The following B4GALT2 variants were observed in gnomAD, a reference collection of about 807,000 sequenced individuals.
B4GALT2 encodes beta-1,4-galactosyltransferase 2.
B4GALT2 carries 18 observed loss-of-function variants against 33.2 expected under a neutral mutation model. The observed-to-expected ratio is 0.54, with a 90% CI of 0.38 to 0.80. The LOEUF is 0.80. Among genes scored for constraint, B4GALT2 ranks in the 30% least tolerant of loss-of-function variants. The pLI, the probability that B4GALT2 is intolerant of heterozygous loss-of-function variation, is 0.00. For missense variants in B4GALT2, 404 were observed against 526.2 expected, an observed-to-expected ratio of 0.77 and a Z score of 2.27; for synonymous variants, 214 against 217.6, an observed-to-expected ratio of 0.98 and a Z score of 0.15.
At chr1:43,986,076 G>A (rs1246243669) in intron 6 of B4GALT2, 1 of 179,994 alleles carries the variant, frequency 5.6e-6, no homozygotes, top group African/African-American at 2.4e-5. Flanking sequence ...GGTGTGGAAA[G>A]ACAGTGCCCA....
chr1:43,985,787 G>T, intron 6 of B4GALT2, 166 bp downstream of exon 6: 1 of 664,982 alleles, frequency 1.5e-6, no homozygotes. Context: ...TGTGATCCAA[G>T]GCCCCTCAGG....
rs867144565 is a variant in B4GALT2, at chr1:43,981,125, C to T, written c.-36C>T. ...CCTGCTCAGGCCAGCAGCCGGATGC[C>T]CGGGCCCACTGGGCGGGCCAGTGGC... On this transcript the variant is annotated 5_prime_UTR_variant, in exon 2 of 7. Transcript: ENST00000372324. The surrounding 1 kb of genome is among the most constrained non-coding windows in gnomAD (Gnocchi z 8.1). The T allele has an allele frequency of 5.0e-6, 8 of 1,591,396 alleles. No homozygotes were observed. The highest frequency in any genetic ancestry group is 1.7e-4 in the Middle Eastern group (1 of 5,936).
chr1:43,981,088 T>G lies in B4GALT2; in HGVS notation c.-52-21T>G. On this transcript the variant is annotated intron_variant, in intron 1 of 6. Transcript: ENST00000372324. This position sits in a 1 kb window ranked among gnomAD's most constrained non-coding sequence, Gnocchi z 8.1. ...GTCCTGCCCTGACCTGCTGGATCTG[T>G]TTCCCTCCCACCCTGCTCAGGCCAG... 1 of 1,541,498 alleles carries G rather than the reference T, an allele frequency of 6.5e-7. No homozygotes were observed. The highest frequency in any genetic ancestry group is 8.7e-7 in the Non-Finnish European group (1 of 1,147,838).
chr1:43,986,080 G>C, intron 6 of B4GALT2: 1 of 176,558 alleles, frequency 5.7e-6, no homozygotes, highest in South Asian at 1.3e-4. Flanking sequence ...TGGAAAGACA[G>C]TGCCCACCCC....
rs2085598056 is a variant in B4GALT2, at chr1:43,981,640, CTG to C, written c.314-46_314-45del. ...CCAGGCTGAGGGTGGGGGCTGGTAT[CTG>C]TGGATTCTGGCCAATGCCCTGATTC... On this transcript the variant is annotated intron_variant, in intron 2 of 6. Transcript: ENST00000372324. This position sits in a 1 kb window ranked among gnomAD's most constrained non-coding sequence, Gnocchi z 8.1. 1 of 1,563,528 alleles carries C rather than the reference CTG, an allele frequency of 6.4e-7. No individual in the cohort carries two copies. Among genetic ancestry groups the C allele is most frequent in the African/African-American group, 1.4e-5 (1 of 73,980 alleles).
In B4GALT2 at chr1:43,984,961, G is replaced by A. The variant is rs1386088844; in HGVS notation, c.646G>A (p.Asp216Asn). 1.2e-6 allele frequency: 2 copies of A among 1,614,064 alleles called. No homozygotes were observed. The highest frequency in any genetic ancestry group is 1.1e-5 in the South Asian group (1 of 91,084). Reference sequence around the variant, plus strand: ...CGCCTATGACTGCTTCATCTTCAGCGATGTGGACCTGGTCCCCATGGATGA... The same window carrying A: ...CGCCTATGACTGCTTCATCTTCAGCAATGTGGACCTGGTCCCCATGGATGA... ...DAAYDCFIFS[D>N]VDLVPMDDRN... Residue 216 changes from aspartate to asparagine, a missense_variant, in exon 4 of 7, where the codon GAT (aspartate) becomes AAT (asparagine). Asp to Asn is a conservative substitution (Grantham distance 23). Coordinates refer to ENST00000372324, the MANE Select transcript of B4GALT2 (RefSeq NM_003780.5). The surrounding 1 kb of genome is among the most constrained non-coding windows in gnomAD (Gnocchi z 5.6).
chr1:43,985,068 T>C lies in B4GALT2; in HGVS notation c.740+13T>C. ...AGTTTGGCTTCCGGTGAGGGCTCTC[T>C]TCTCAGCTGGACCCAGCCCTCCTGC... On this transcript the variant is annotated intron_variant, in intron 4 of 6. Coordinates refer to ENST00000372324, the MANE Select transcript of B4GALT2 (RefSeq NM_003780.5). 6.2e-7 allele frequency: 1 copy of C among 1,612,720 alleles called. No homozygotes were observed. Among genetic ancestry groups the C allele is most frequent in the East Asian group, 2.2e-5 (1 of 44,850 alleles).
rs1317903350 is a variant in B4GALT2, at chr1:43,982,697, G to C, written c.549+773G>C. On this transcript the variant is annotated intron_variant, in intron 3 of 6. Transcript: ENST00000372324. This position sits in a 1 kb window ranked among gnomAD's most constrained non-coding sequence, Gnocchi z 4.3. Reference sequence around the variant, plus strand: ...CTGGGTAGCAAAGATGAGGCTGGAGGAGTTGGAAGTCAAACTGAGAAATGT... The same window carrying C: ...CTGGGTAGCAAAGATGAGGCTGGAGCAGTTGGAAGTCAAACTGAGAAATGT... Among the ~76,000 whole-genome samples the C allele has an allele frequency of 6.6e-6, 1 of 152,268 alleles. No individual in the cohort carries two copies. Among genetic ancestry groups the C allele is most frequent in the Non-Finnish European group, 1.5e-5 (1 of 68,046 alleles).
At chr1:43,980,047 G>T in intron 1 of B4GALT2, 3 of 1,514,536 alleles carry the variant, frequency 2.0e-6, no homozygotes, top group South Asian at 2.4e-5. Flanking sequence ...GGCCTTGTTT[G>T]TGAGTGTGGG....
At chr1:43,985,727 A>C in intron 6 of B4GALT2, 106 bp downstream of exon 6, 1 of 1,060,292 alleles carries the variant, frequency 9.4e-7, no homozygotes, top group Non-Finnish European at 1.4e-6. Flanking sequence ...GGGGACCTCC[A>C]AGCATCCTTG....
chr1:43,986,701 A>G (rs2085662985), intron 6 of B4GALT2, among the ~76,000 whole-genome samples: 1 of 152,110 alleles, frequency 6.6e-6, no homozygotes, highest in Non-Finnish European at 1.5e-5. Flanking sequence ...TGAATACCTG[A>G]TGGGAGGTTA....
rs945981308 is a variant in B4GALT2, at chr1:43,980,259, C to G, written c.-53+748C>G. 7.5e-6 allele frequency: 4 copies of G among 530,698 alleles called. No individual in the cohort carries two copies. The South Asian group carries it at 1.2e-4, about 15-fold the overall frequency. The allele number at this position is 530,698 out of a possible 1,614,324, so 32.9% of individuals were successfully genotyped here. A position where few individuals can be genotyped will look rare whatever the true frequency, so the allele number is the denominator to read the frequency against. ...CCATCGCCCAGGCAAGACCCCCTTC[C>G]TGCCATGCCCAGTGCTGTGCCCATC... On this transcript the variant is annotated intron_variant, in intron 1 of 6. Transcript: ENST00000372324.
Position 43,985,948 on chromosome 1 carries a change from G to A in B4GALT2, c.968+327G>A, listed in dbSNP as rs1055997371. The A allele has an allele frequency of 5.3e-5, 20 of 376,260 alleles. No homozygotes were observed. The East Asian group carries it at 9.0e-4, about 17-fold the overall frequency. 23.3% of individuals were successfully genotyped at this position (376,260 alleles called of 1,614,324 possible). A position where few individuals can be genotyped will look rare whatever the true frequency, so the allele number is the denominator to read the frequency against. On this transcript the variant is annotated intron_variant, in intron 6 of 6. Coordinates refer to ENST00000372324, the MANE Select transcript of B4GALT2 (RefSeq NM_003780.5). ...AGATTGCATTCCTATTGGTGCCCTCGAAGACCTCACTTGTGCACCTGTGGG... is the reference window on the plus strand; with the variant it reads ...AGATTGCATTCCTATTGGTGCCCTCAAAGACCTCACTTGTGCACCTGTGGG...
At position 43,988,356 on chromosome 1, in the gene B4GALT2, C is replaced by CAA. The variant is rs59935883; in HGVS notation, c.969-1924_969-1923dup. On this transcript the variant is annotated intron_variant, in intron 6 of 6. Coordinates refer to ENST00000372324, the MANE Select transcript of B4GALT2 (RefSeq NM_003780.5). The stretch of plus-strand genomic sequence containing the variant: ...TGAAACCTTGTCTCTACCAAAAATA[C>CAA]AAAAAAAAAAAAAAAAAAAGACGGG... Among the ~76,000 whole-genome samples the CAA allele has an allele frequency of 5.6e-3, 410 of 73,706 alleles. 4 individuals are homozygous for CAA. The highest frequency in any genetic ancestry group is 0.012 in the African/African-American group (277 of 24,056). 48.4% of individuals were successfully genotyped at this position (73,706 alleles called of 152,430 possible). A position where few individuals can be genotyped will look rare whatever the true frequency, so the allele number is the denominator to read the frequency against.
chr1:43,981,994 C>T lies in B4GALT2; in HGVS notation c.549+70C>T. 6.7e-7 allele frequency: 1 copy of T among 1,486,550 alleles called. No individual in the cohort carries two copies. The highest frequency in any genetic ancestry group is 9.2e-7 in the Non-Finnish European group (1 of 1,081,112). 92.1% of individuals were successfully genotyped at this position (1,486,550 alleles called of 1,614,324 possible). A position where few individuals can be genotyped will look rare whatever the true frequency, so the allele number is the denominator to read the frequency against. On this transcript the variant is annotated intron_variant, in intron 3 of 6. Transcript: ENST00000372324. This position sits in a 1 kb window ranked among gnomAD's most constrained non-coding sequence, Gnocchi z 8.1. The stretch of plus-strand genomic sequence containing the variant: ...GTTGGGGGCGTTTGTGGGTCCTTGT[C>T]TGCCCGTGTGGATATGTGGATGGAC...
chr1:43,988,203 G>A (rs560813505), intron 6 of B4GALT2, among the ~76,000 whole-genome samples: 1 of 152,052 alleles, frequency 6.6e-6, no homozygotes, highest in Non-Finnish European at 1.5e-5. Flanking sequence ...GGGATGCCTG[G>A]TCTCAGGCTT....
chr1:43,981,756 C>T lies in B4GALT2; in HGVS notation c.381C>T (p.Gly127=), dbSNP rs774572710. ...PLERVQRENP[G]VLMGGRYTPP... is the part of the protein sequence containing the mutation. ...AGCGGGTGCAGAGGGAGAACCCAGG[C>T]GTGCTCATGGGCGGCCGATACACAC... Residue 127 remains glycine (G), a synonymous_variant, in exon 3 of 7, where the codon GGC becomes GGT. Coordinates refer to ENST00000372324, the MANE Select transcript of B4GALT2 (RefSeq NM_003780.5). This position sits in a 1 kb window ranked among gnomAD's most constrained non-coding sequence, Gnocchi z 8.1. The T allele has an allele frequency of 9.3e-6, 15 of 1,613,406 alleles. No individual in the cohort carries two copies. Among genetic ancestry groups the T allele is most frequent in the East Asian group, 4.5e-5 (2 of 44,892 alleles).
intron 6 of B4GALT2, among the ~76,000 whole-genome samples, chr1:43,988,965 T>A (rs896634651): frequency 1.3e-5 from 2 of 151,736 alleles, no homozygotes; most frequent in Admixed American, 6.6e-5. Context: ...GCAGAAGGGC[T>A]CCTGCCAAAT....
chr1:43,981,472 T>G lies in B4GALT2; in HGVS notation c.312T>G (p.Leu104=), dbSNP rs1235532763. 8 of 1,574,292 alleles carry G rather than the reference T, an allele frequency of 5.1e-6. No individual in the cohort carries two copies. The highest frequency in any genetic ancestry group is 6.9e-6 in the Non-Finnish European group (8 of 1,163,850). ...LPPCPDSPPG[L]VGRLLIEFTS... The stretch of plus-strand genomic sequence containing the variant: ...CCTGTCCTGACTCGCCACCTGGTCT[T>G]GGTGAGCCTGGAGGGTAGGGCCTGC... Residue 104 remains leucine, a splice_region_variant and synonymous_variant, in exon 2 of 7, where the codon CTT becomes CTG. Coordinates refer to ENST00000372324, the MANE Select transcript of B4GALT2 (RefSeq NM_003780.5). This position sits in a 1 kb window ranked among gnomAD's most constrained non-coding sequence, Gnocchi z 8.1.
Sources: allele counts gnomAD v4.1 joint callset (sites outside exome capture counted in the v4.1 genomes callset), GRCh38; gene constraint gnomAD v4.1.1; non-coding constraint Gnocchi (gnomAD v3.1); transcripts MANE v1.5; gene names NCBI Gene and HGNC (gene_info 2026-07-23, HGNC 2026-07-21).